TANGO6: variants seen among roughly 807,000 people sequenced by gnomAD.
TANGO6 encodes transport and Golgi organization protein 6 homolog.
In TANGO6, 90 loss-of-function variants were observed where a neutral mutation model predicts 114.2. The observed-to-expected ratio is 0.79, with a 90% confidence interval of 0.66 to 0.94. The LOEUF is 0.94. Ranked by LOEUF, TANGO6 falls within the 40% of genes least tolerant of loss-of-function variation. The probability of loss-of-function intolerance (pLI) is 0.00; values close to 1 mark genes in which losing one functional copy is unlikely to be tolerated. For missense variants in TANGO6, 1,274 were observed against 1,315.3 expected, an observed-to-expected ratio of 0.97 and a Z score of 0.49; for synonymous variants, 477 against 509.8, an observed-to-expected ratio of 0.94 and a Z score of 0.87.
At chr16:68,878,651 G>A (rs1487048461) in intron 6 of TANGO6, among the ~76,000 whole-genome samples, 4 of 151,996 alleles carry the variant, frequency 2.6e-5, no homozygotes, top group Admixed American at 6.6e-5. Context: ...ACCACAAGGC[G>A]ATTACCACAC....
chr16:68,906,528 C>CTA (rs1215878342), intron 9 of TANGO6, among the ~76,000 whole-genome samples: 1 of 151,912 alleles, frequency 6.6e-6, no homozygotes, highest in African/African-American at 2.4e-5. Flanking sequence ...TACTTTAATT[C>CTA]CTCCTTGCTT....
At chr16:68,866,975 C>CTT (rs536677611) in intron 3 of TANGO6, 104 bp from the exon 4 acceptor site, 8,738 of 227,282 alleles carry the variant, frequency 0.038, 509 homozygotes, top group Non-Finnish European at 0.053. Flanking sequence ...GCTATTTCTC[C>CTT]TTTTTTTTTT....
chr16:68,867,371 C>T, intron 4 of TANGO6, 151 bp downstream of exon 4: 6 of 892,744 alleles, frequency 6.7e-6, no homozygotes, highest in Admixed American at 2.6e-5. Context: ...ACTTAGAGGC[C>T]GTTAATGAGC....
chr16:69,040,372 T>C lies in TANGO6; in HGVS notation c.3059T>C (p.Ile1020Thr). Reference protein sequence around the residue: ...DGEVQVRRAAIHVVVLLLRGL... With the variant: ...DGEVQVRRAATHVVVLLLRGL... Reference sequence around the variant, plus strand: ...GAAGTTCAAGTACGCAGAGCTGCCATACATGTGGTTGTGCTGCTGCTTCGG... The same window carrying C: ...GAAGTTCAAGTACGCAGAGCTGCCACACATGTGGTTGTGCTGCTGCTTCGG... Residue 1020 changes from isoleucine (I) to threonine (T), a missense_variant, in exon 17 of 18, where the codon ATA becomes ACA. Coordinates refer to ENST00000261778, the MANE Select transcript of TANGO6 (RefSeq NM_024562.2). 6.2e-7 allele frequency: 1 copy of C among 1,609,548 alleles called. No homozygotes were observed. The highest frequency in any genetic ancestry group is 8.5e-7 in the Non-Finnish European group (1 of 1,178,182).
chr16:68,845,279 A>G (rs1424065096), intron 1 of TANGO6, among the ~76,000 whole-genome samples: 1 of 152,126 alleles, frequency 6.6e-6, no homozygotes, highest in East Asian at 1.9e-4. Context: ...GCAACTCTCT[A>G]TTGTATGACT....
intron 1 of TANGO6, among the ~76,000 whole-genome samples, chr16:68,844,431 A>T (rs550620299): frequency 1.3e-4 from 20 of 152,250 alleles, no homozygotes; most frequent in African/African-American, 4.6e-4. Flanking sequence ...ATTGTTCAGT[A>T]TAGGGGCTCT....
chr16:68,973,195 T>C, intron 14 of TANGO6: 1 of 455,536 alleles, frequency 2.2e-6, no homozygotes, highest in South Asian at 1.6e-5. Context: ...CAAAGCAGAG[T>C]TGATGGGCCA....
intron 11 of TANGO6, 183 bp downstream of exon 11, chr16:68,909,585 T>A (rs1962897057): frequency 6.6e-6 from 3 of 451,326 alleles, no homozygotes; most frequent in South Asian, 1.1e-4. Context: ...TCCAGTGTCC[T>A]GAGACTCCAC....
intron 15 of TANGO6, among the ~76,000 whole-genome samples, chr16:68,992,317 G>A (rs1963952974): frequency 6.6e-6 from 1 of 151,994 alleles, no homozygotes; most frequent in Non-Finnish European, 1.5e-5. Context: ...TAACTAACTG[G>A]GTTTTGATCT....
rs1158263825 is a variant in TANGO6, at chr16:68,988,571, TC to T, written c.2842+14406del. On this transcript the variant is annotated intron_variant, in intron 15 of 17. Transcript: ENST00000261778. Reference sequence around the variant, plus strand: ...AAGAAATTTTTGTTTACCCATTTTCTCCCATTTTTTCTTCTAGAATGTTAAT... The same window carrying T: ...AAGAAATTTTTGTTTACCCATTTTCTCCATTTTTTCTTCTAGAATGTTAAT... 2.5e-4 allele frequency among the ~76,000 whole-genome samples: 38 copies of T among 150,712 alleles called. 1 individual carries two copies. In the South Asian group the frequency reaches 8.1e-3, roughly 32 times the overall value.
At chr16:68,900,619 T>G (rs1421495117) in intron 8 of TANGO6, 73 bp downstream of exon 8, 1 of 1,234,842 alleles carries the variant, frequency 8.1e-7, no homozygotes, top group Admixed American at 2.2e-5. Flanking sequence ...TGTTCTTATT[T>G]TGAATTTATA....
intron 15 of TANGO6, chr16:69,007,190 A>C (rs1397294186): frequency 6.7e-6 from 1 of 150,330 alleles, no homozygotes; most frequent in East Asian, 2.0e-4. Flanking sequence ...TGTAGCATGT[A>C]TTGGTAATTC....
At chr16:69,053,982 T>C (rs936722395) in intron 17 of TANGO6, among the ~76,000 whole-genome samples, 1 of 151,978 alleles carries the variant, frequency 6.6e-6, no homozygotes, top group South Asian at 2.1e-4. Context: ...GGAGAATCGC[T>C]AGAACCCCGG....
rs144875126 is a variant in TANGO6 at position 68,982,711 on chromosome 16, A to G, written c.2842+8543A>G. On this transcript the variant is annotated intron_variant, in intron 15 of 17. Coordinates refer to ENST00000261778, the MANE Select transcript of TANGO6 (RefSeq NM_024562.2). ...GGTCTCGAACTCCTGGGCTCAAGCA[A>G]TCCTCCCACCTCGGCCTCCCAAAGT... Among the ~76,000 whole-genome samples the G allele has an allele frequency of 4.3e-3, 630 of 147,050 alleles. 4 individuals carry two copies. The highest frequency in any genetic ancestry group is 0.016 in the African/African-American group (604 of 38,920).
chr16:68,901,570 C>T (rs1962786176), intron 8 of TANGO6, among the ~76,000 whole-genome samples: 1 of 152,124 alleles, frequency 6.6e-6, no homozygotes, highest in Non-Finnish European at 1.5e-5. Context: ...CTCACTGCAA[C>T]CTCTGCCTCC....
intron 17 of TANGO6, among the ~76,000 whole-genome samples, chr16:69,067,704 G>A (rs1381080885): frequency 1.3e-5 from 2 of 151,118 alleles, no homozygotes; most frequent in Non-Finnish European, 3.0e-5. Context: ...TTGGGAGGCC[G>A]AGGCGGGCGG....
intron 15 of TANGO6, among the ~76,000 whole-genome samples, chr16:69,016,469 T>C (rs1320101112): frequency 6.6e-6 from 1 of 152,120 alleles, no homozygotes; most frequent in Non-Finnish European, 1.5e-5. Flanking sequence ...AGTTTCTCTC[T>C]CTTCATGATG....
chr16:69,064,616 T>C (rs920357088), intron 17 of TANGO6, among the ~76,000 whole-genome samples: 2 of 152,196 alleles, frequency 1.3e-5, no homozygotes, highest in Non-Finnish European at 2.9e-5. Context: ...AATGCACATA[T>C]GAAAAACAAA....
chr16:68,920,861 T>C (rs1437176257), intron 12 of TANGO6, among the ~76,000 whole-genome samples: 1 of 151,870 alleles, frequency 6.6e-6, no homozygotes, highest in African/African-American at 2.4e-5. Flanking sequence ...CTGTTAGAAC[T>C]GTCAAGGTTT....
Sources: allele counts gnomAD v4.1 joint callset (sites outside exome capture counted in the v4.1 genomes callset), GRCh38; gene constraint gnomAD v4.1.1; transcripts MANE v1.5; gene names NCBI Gene and HGNC (gene_info 2026-07-23, HGNC 2026-07-21).